ASDURF: variants seen among roughly 807,000 people sequenced by gnomAD.
ASDURF encodes ASNSD1 upstream open reading frame, also known as ASDURF protein.
In ASDURF, 3 loss-of-function variants were observed where a neutral mutation model predicts 3.3. The ratio of observed to expected loss-of-function variants is 0.92; its 90% CI spans 0.42 to 2.37. The LOEUF (loss-of-function observed/expected upper bound fraction) is 2.37. Ranked by LOEUF, ASDURF falls within the 30% of genes most tolerant of loss-of-function variation. The probability of loss-of-function intolerance (pLI) is 0.05; values close to 1 mark genes in which losing one functional copy is unlikely to be tolerated. For synonymous variants in ASDURF, 11 were observed against 8.3 expected (o/e 1.32, Z -0.55); for missense variants, 23 against 25.4 (o/e 0.90, Z 0.21).
At position 189,661,555 on chromosome 2, in the gene ASDURF, C is replaced by T. The variant is rs74593114; in HGVS notation, c.35C>T (p.Ser12Phe). The T allele has an allele frequency of 4.8e-3, 1,923 of 399,288 alleles. 37 individuals are homozygous for T. Among genetic ancestry groups the T allele is most frequent in the African/African-American group, 0.036 (1,768 of 48,752 alleles). The allele number at this position is 399,288 out of a possible 1,614,324, so 24.7% of individuals were successfully genotyped here. The change falls in exon 1 of 4, where the codon TCT (serine) becomes TTT (phenylalanine). Residue 12 changes from serine to phenylalanine, a missense_variant. Physicochemically the swap from Ser to Phe is radical, Grantham distance 155. Coordinates refer to ENST00000607829, the MANE Select transcript of ASDURF (RefSeq NM_001353493.2). Reference sequence around the variant, plus strand: ...CGAGGGACGCGACCAGAGGACAGCTCTGTGCTGATCCCCACCGACAATTCG... The same window carrying T: ...CGAGGGACGCGACCAGAGGACAGCTTTGTGCTGATCCCCACCGACAATTCG... ...PSRGTRPEDSSVLIPTDNSTP... is the reference protein window; with the variant it reads ...PSRGTRPEDSFVLIPTDNSTP...
At chr2:189,665,500 C>T in intron 3 of ASDURF, 49 bp downstream of exon 3, 1 of 390,912 alleles carries the variant, frequency 2.6e-6, no homozygotes, top group Non-Finnish European at 4.5e-6. Flanking sequence ...AAATTATACT[C>T]ATCTGAGTGT....
Position 189,661,478 on chromosome 2 carries a change from C to G in ASDURF, c.-43C>G. The stretch of plus-strand genomic sequence containing the variant: ...TGCGCTGTGGCTAATGCCGTAGGCT[C>G]CTTCAGGGCTGAGCCATCCCGCGTG... On this transcript the variant is annotated 5_prime_UTR_variant, in exon 1 of 4. Coordinates refer to ENST00000607829, the MANE Select transcript of ASDURF (RefSeq NM_001353493.2). The G allele has an allele frequency of 2.5e-6, 1 of 399,172 alleles. No homozygotes were observed. 24.7% of individuals were successfully genotyped at this position (399,172 alleles called of 1,614,324 possible). A position where few individuals can be genotyped will look rare whatever the true frequency, so the allele number is the denominator to read the frequency against.
intron 2 of ASDURF, among the ~76,000 whole-genome samples, chr2:189,664,332 A>C (rs574214420): frequency 1.3e-5 from 2 of 152,374 alleles, no homozygotes; most frequent in East Asian, 3.9e-4. Flanking sequence ...ATTATTGAAC[A>C]AAAAAGGATA....
chr2:189,661,651 C>T, intron 1 of ASDURF, 41 bp downstream of exon 1: 1 of 399,338 alleles, frequency 2.5e-6, no homozygotes, highest in Non-Finnish European at 4.4e-6. Flanking sequence ...GGACTCGGGA[C>T]CGGGCGCCAC....
chr2:189,662,910 C>G (rs1032909935), intron 1 of ASDURF, among the ~76,000 whole-genome samples: 7 of 140,522 alleles, frequency 5.0e-5, no homozygotes, highest in African/African-American at 1.6e-4. Context: ...GATCGCACCA[C>G]TGCACTCCAG....
chr2:189,666,090 C>T lies in ASDURF; in HGVS notation c.270C>T (p.Asp90=), dbSNP rs2032794845. 2 of 1,488,474 alleles carry T rather than the reference C, an allele frequency of 1.3e-6. No individual in the cohort carries two copies. Among genetic ancestry groups the T allele is most frequent in the African/African-American group, 1.4e-5 (1 of 71,092 alleles). 92.2% of individuals were successfully genotyped at this position (1,488,474 alleles called of 1,614,324 possible). ...KKEYQEIENL[D]KTKIKK The stretch of plus-strand genomic sequence containing the variant: ...AATACCAAGAAATAGAAAACTTAGA[C>T]AAGACCAAAATCAAGAAATAGTCAA... Residue 90 remains aspartate (D), a synonymous_variant, in exon 4 of 4, where the codon GAC becomes GAT. Coordinates refer to ENST00000607829, the MANE Select transcript of ASDURF (RefSeq NM_001353493.2).
At chr2:189,661,829 G>C (rs2032672157) in intron 1 of ASDURF, among the ~76,000 whole-genome samples, 1 of 152,180 alleles carries the variant, frequency 6.6e-6, no homozygotes, top group South Asian at 2.1e-4. Flanking sequence ...CCCGAGACTG[G>C]ACCCAGGTGA....
chr2:189,665,596 G>GTATGTA (rs71023704), intron 3 of ASDURF, 145 bp downstream of exon 3: 7 of 111,486 alleles, frequency 6.3e-5, no homozygotes, highest in East Asian at 4.9e-4. Context: ...ATATATATAT[G>GTATGTA]TGTATATATA....
chr2:189,663,173 AAATCACAACTT>A (rs1445449603), intron 1 of ASDURF, among the ~76,000 whole-genome samples: 16 of 151,662 alleles, frequency 1.1e-4, no homozygotes, highest in African/African-American at 3.9e-4. Flanking sequence ...TTTTAAATCT[AAATCACAACTT>A]AATTTTCAAT....
Position 189,663,225 on chromosome 2 carries a change from T to TA in ASDURF, c.91-675dup, listed in dbSNP as rs557872028. On this transcript the variant is annotated intron_variant, in intron 1 of 3. Transcript: ENST00000607829. ...TCACAACTTAATTCCTTTTGGTGTA[T>TA]ATCATATATATATATTTTTTAAATT... is the stretch of plus-strand genomic sequence containing the variant. Among the ~76,000 whole-genome samples, 16 of 150,556 alleles carry TA rather than the reference T, an allele frequency of 1.1e-4. No homozygotes were observed. In the East Asian group the frequency reaches 3.1e-3, roughly 29 times the overall value.
At chr2:189,665,479 G>C (rs1328102756) in intron 3 of ASDURF, 28 bp downstream of exon 3, 1 of 394,954 alleles carries the variant, frequency 2.5e-6, no homozygotes, top group Non-Finnish European at 4.5e-6. Context: ...TGGGGTTTTT[G>C]GGGGGTGCCT....
At chr2:189,665,967 T>G in intron 3 of ASDURF, 74 bp from the exon 4 acceptor site, 1 of 633,220 alleles carries the variant, frequency 1.6e-6, no homozygotes, top group Non-Finnish European at 2.5e-6. Flanking sequence ...CAGCTTGTGT[T>G]GCCCTCTGAA....
intron 1 of ASDURF, among the ~76,000 whole-genome samples, chr2:189,663,167 A>T (rs894052592): frequency 1.3e-5 from 2 of 151,568 alleles, no homozygotes; most frequent in Admixed American, 6.6e-5. Flanking sequence ...GCTTTTTTTT[A>T]AATCTAAATC....
At chr2:189,662,877 A>G (rs1161686525) in intron 1 of ASDURF, among the ~76,000 whole-genome samples, 1 of 151,328 alleles carries the variant, frequency 6.6e-6, no homozygotes, top group Non-Finnish European at 1.5e-5. Flanking sequence ...GAGCCCGGGA[A>G]GATCAAAGCT....
At chr2:189,662,217 G>A (rs1368085082) in intron 1 of ASDURF, among the ~76,000 whole-genome samples, 1 of 152,150 alleles carries the variant, frequency 6.6e-6, no homozygotes, top group African/African-American at 2.4e-5. Flanking sequence ...CCAAACTGGG[G>A]GAGAGAGGAA....
chr2:189,663,462 A>G (rs1166188369), intron 1 of ASDURF, among the ~76,000 whole-genome samples: 5 of 152,162 alleles, frequency 3.3e-5, no homozygotes, highest in Non-Finnish European at 7.4e-5. Flanking sequence ...CATGTTGGTC[A>G]GGCTGGTCTC....
rs1559034484 is a variant in ASDURF at position 189,665,624 on chromosome 2, A to ATATATG, written c.220+178_220+179insGTATAT. 1.2e-4 allele frequency among the ~76,000 whole-genome samples: 15 copies of ATATATG among 121,770 alleles called. 2 individuals carry two copies. The highest frequency in any genetic ancestry group is 5.0e-4 in the African/African-American group (15 of 30,092). 79.9% of individuals were successfully genotyped at this position (121,770 alleles called of 152,430 possible). A position where few individuals can be genotyped will look rare whatever the true frequency, so the allele number is the denominator to read the frequency against. ...TATATATATATATATATATATATAT[A>ATATATG]TATATATATATATATATATATATTA... is the stretch of plus-strand genomic sequence containing the variant. On this transcript the variant is annotated intron_variant, in intron 3 of 3. Transcript: ENST00000607829.
intron 3 of ASDURF, among the ~76,000 whole-genome samples, 161 bp downstream of exon 3, chr2:189,665,612 A>ATATACATATATATATG (rs1559034436): frequency 3.0e-5 from 1 of 32,852 alleles, no homozygotes; most frequent in African/African-American, 7.3e-5. Flanking sequence ...ATATATATAT[A>ATATACATATATATATG]TATATATATA....
Position 189,666,266 on chromosome 2 carries a change from A to G in ASDURF, c.*155A>G. On this transcript the variant is annotated 3_prime_UTR_variant, in exon 4 of 4. Transcript: ENST00000607829. ...CAATTGTTAAAGTCTGATGTTAACT[A>G]CCAGTGTTTATTTTCTGCTCACGTC... 1 of 1,614,128 alleles carries G rather than the reference A, an allele frequency of 6.2e-7. No homozygotes were observed.
Sources: allele counts gnomAD v4.1 joint callset (sites outside exome capture counted in the v4.1 genomes callset), GRCh38; gene constraint gnomAD v4.1.1; transcripts MANE v1.5; gene names NCBI Gene and HGNC (gene_info 2026-07-23, HGNC 2026-07-21).